The following COL9A1 variants were observed in gnomAD, a reference collection of about 807,000 sequenced individuals.
COL9A1 encodes collagen type IX alpha 1 chain.
In COL9A1, 104 loss-of-function variants were observed where a neutral mutation model predicts 142.6. The ratio of observed to expected loss-of-function variants is 0.73; its 90% CI spans 0.62 to 0.86. The LOEUF (loss-of-function observed/expected upper bound fraction) is 0.86, where lower values mean the gene tolerates loss of function less well. Ranked by LOEUF, COL9A1 falls within the 40% of genes least tolerant of loss-of-function variation. The pLI, the probability that COL9A1 is intolerant of heterozygous loss-of-function variation, is 0.00. For missense variants in COL9A1, 1,210 were observed against 1,176.6 expected, an observed-to-expected ratio of 1.03 and a Z score of -0.42; for synonymous variants, 466 against 396.0, an observed-to-expected ratio of 1.18 and a Z score of -2.10.
In COL9A1 at chr6:70,255,217, G is replaced by A. The variant is rs1317063178; in HGVS notation, c.1558-14C>T. 1 of 1,613,970 alleles carries A rather than the reference G, an allele frequency of 6.2e-7. No homozygotes were observed. Among genetic ancestry groups the A allele is most frequent in the Non-Finnish European group, 8.5e-7 (1 of 1,179,944 alleles). Reference sequence around the variant, plus strand: ...ACCTTCAGCCCCCTGCAGGGAGGAAGAGAAAGAATAGACAAGACATGTTCA... The same window carrying A: ...ACCTTCAGCCCCCTGCAGGGAGGAAAAGAAAGAATAGACAAGACATGTTCA... On this transcript the variant is annotated splice_polypyrimidine_tract_variant and intron_variant, in intron 22 of 37. Transcript: ENST00000357250.
intron 5 of COL9A1, among the ~76,000 whole-genome samples, chr6:70,288,913 A>G (rs1358512047): frequency 1.3e-5 from 2 of 152,126 alleles, no homozygotes; most frequent in African/African-American, 2.4e-5. Flanking sequence ...GCGACATTGG[A>G]GCATTAATTT....
chr6:70,247,503 C>T (rs1287147022), intron 28 of COL9A1, among the ~76,000 whole-genome samples: 1 of 152,172 alleles, frequency 6.6e-6, no homozygotes, highest in Non-Finnish European at 1.5e-5. Context: ...ATCCTCAGTA[C>T]CTTTCCAATT....
chr6:70,223,739 AAGTT>A (rs1242987642), intron 37 of COL9A1, among the ~76,000 whole-genome samples: 1 of 152,240 alleles, frequency 6.6e-6, no homozygotes, highest in Non-Finnish European at 1.5e-5. Context: ...GTGCTTTTGA[AAGTT>A]AGCCTATATT....
chr6:70,251,408 G>A (rs763854073), intron 28 of COL9A1, among the ~76,000 whole-genome samples: 2 of 152,134 alleles, frequency 1.3e-5, no homozygotes, highest in Non-Finnish European at 2.9e-5. Context: ...TTAGCCAGGT[G>A]TGGTGATGCA....
chr6:70,283,036 C>A lies in COL9A1; in HGVS notation c.781-118G>T, dbSNP rs754539248. 6.2e-6 allele frequency: 10 copies of A among 1,607,164 alleles called. No homozygotes were observed. The Admixed American group carries it at 1.5e-4, about 24-fold the overall frequency. ...CAGCAGCCCCAGGGCCCCGCGGTCC[C>A]GCGCAGTCCAGGCCATGCCCGCCGC... On this transcript the variant is annotated intron_variant, in intron 6 of 37. Transcript: ENST00000357250.
At chr6:70,300,465 T>C in intron 2 of COL9A1, 79 bp from the exon 3 acceptor site, 1 of 548,312 alleles carries the variant, frequency 1.8e-6, no homozygotes, top group Non-Finnish European at 2.8e-6. Context: ...AATAAAATAA[T>C]AATAATAATA....
At chr6:70,262,500 A>G (rs753091745) in intron 19 of COL9A1, among the ~76,000 whole-genome samples, 15 of 152,218 alleles carry the variant, frequency 9.9e-5, no homozygotes, top group Non-Finnish European at 1.6e-4. Flanking sequence ...TTTGTCTTCA[A>G]TTCATCAGTT....
intron 5 of COL9A1, among the ~76,000 whole-genome samples, chr6:70,286,913 C>T (rs1031897973): frequency 3.9e-5 from 6 of 152,122 alleles, no homozygotes; most frequent in East Asian, 1.9e-4. Context: ...ATTTATTCAA[C>T]GTATTTTCAT....
chr6:70,294,560 A>G lies in COL9A1; in HGVS notation c.303T>C (p.Asn101=). 1 of 1,613,796 alleles carries G rather than the reference A, an allele frequency of 6.2e-7. No individual in the cohort carries two copies. Among genetic ancestry groups the G allele is most frequent in the Non-Finnish European group, 8.5e-7 (1 of 1,179,820 alleles). The change falls in exon 5 of 38, where the codon AAT becomes AAC. Residue 101 remains asparagine, a synonymous_variant. Transcript: ENST00000357250. ...NNVDFRIPTR[N]LYPSGLPEEY... ...CTTCAGGCAGTCCACTGGGATATAA[A>G]TTCCTGAGTAAAATTTTTAAATAGT...
intron 35 of COL9A1, among the ~76,000 whole-genome samples, chr6:70,234,319 A>T (rs918492217): frequency 1.4e-5 from 2 of 147,084 alleles, no homozygotes; most frequent in African/African-American, 4.9e-5. Context: ...AAAAGGCAGG[A>T]TAACCAGAAA....
At chr6:70,282,361 C>A (rs1562325273) in intron 7 of COL9A1, among the ~76,000 whole-genome samples, 2 of 152,214 alleles carry the variant, frequency 1.3e-5, no homozygotes, top group Non-Finnish European at 2.9e-5. Flanking sequence ...TCCTCCCTCG[C>A]GCAGGAGGCG....
At chr6:70,293,191 GAGAA>G (rs1413577262) in intron 5 of COL9A1, among the ~76,000 whole-genome samples, 2 of 152,204 alleles carry the variant, frequency 1.3e-5, no homozygotes, top group African/African-American at 4.8e-5. Context: ...GCTAGTATGA[GAGAA>G]AGAGAGAGAG....
At chr6:70,221,387 G>A (rs577231648) in intron 37 of COL9A1, among the ~76,000 whole-genome samples, 240 of 152,274 alleles carry the variant, frequency 1.6e-3, no homozygotes, top group African/African-American at 5.4e-3. Context: ...ATTTGACAAA[G>A]CAGTATATGT....
intron 36 of COL9A1, among the ~76,000 whole-genome samples, chr6:70,229,325 A>G (rs1769407399): frequency 6.6e-6 from 1 of 152,168 alleles, no homozygotes; most frequent in Non-Finnish European, 1.5e-5. Context: ...CTAAAGGTCC[A>G]GCTTTGTTAG....
At chr6:70,232,378 TG>T (rs1769606670) in intron 36 of COL9A1, among the ~76,000 whole-genome samples, 2 of 152,246 alleles carry the variant, frequency 1.3e-5, no homozygotes, top group South Asian at 4.1e-4. Context: ...TTCTAGTATT[TG>T]GTCTACTGTT....
At position 70,281,605 on chromosome 6, in the gene COL9A1, T is replaced by C. The variant is rs190081038; in HGVS notation, c.802-141A>G. 3.7e-5 allele frequency: 23 copies of C among 617,842 alleles called. No homozygotes were observed. The East Asian group carries it at 6.2e-4, about 17-fold the overall frequency. 38.3% of individuals were successfully genotyped at this position (617,842 alleles called of 1,614,324 possible). On this transcript the variant is annotated intron_variant, in intron 7 of 37. Transcript: ENST00000357250. ...CGGGTTTTGCAACCCAACGCAAAAA[T>C]GTCTCAGACCTCCAAGCAAGCGCAG... is the stretch of plus-strand genomic sequence containing the variant.
intron 32 of COL9A1, 95 bp downstream of exon 32, chr6:70,240,593 AT>A: frequency 5.8e-6 from 4 of 687,060 alleles, no homozygotes; most frequent in Non-Finnish European, 9.9e-6. Context: ...ATATATATAT[AT>A]ACCAATTTTG....
intron 5 of COL9A1, among the ~76,000 whole-genome samples, chr6:70,289,892 A>T (rs565475528): frequency 5.0e-4 from 76 of 152,290 alleles, no homozygotes; most frequent in African/African-American, 1.8e-3. Context: ...TTGTTTTTAC[A>T]TTTGGAAGTT....
At position 70,282,884 on chromosome 6, in the gene COL9A1, T is replaced by A. The variant is rs1401952485; in HGVS notation, c.801+14A>T. 1 of 1,614,112 alleles carries A rather than the reference T, an allele frequency of 6.2e-7. No homozygotes were observed. The highest frequency in any genetic ancestry group is 8.5e-7 in the Non-Finnish European group (1 of 1,180,016). On this transcript the variant is annotated intron_variant, in intron 7 of 37. Coordinates refer to ENST00000357250, the MANE Select transcript of COL9A1 (RefSeq NM_001851.6). Reference sequence around the variant, plus strand: ...GCGCTTGAAAAATGCAAACACTCCCTGCCCCCAACTTACCTCGTCGGTGGT... The same window carrying A: ...GCGCTTGAAAAATGCAAACACTCCCAGCCCCCAACTTACCTCGTCGGTGGT...
Sources: allele counts gnomAD v4.1 joint callset (sites outside exome capture counted in the v4.1 genomes callset), GRCh38; gene constraint gnomAD v4.1.1; transcripts MANE v1.5; gene names NCBI Gene and HGNC (gene_info 2026-07-23, HGNC 2026-07-21).